The following MAGI3 variants were observed in gnomAD, a reference collection of about 807,000 sequenced individuals.
MAGI3 encodes the protein membrane-associated guanylate kinase, WW and PDZ domain-containing protein 3.
Under a neutral mutation model 121.8 loss-of-function variants are expected in MAGI3, and 43 were observed. The observed-to-expected ratio is 0.35, with a 90% CI of 0.28 to 0.46. MAGI3 has a LOEUF of 0.46. MAGI3 is among the 20% of genes least tolerant of loss of function. MAGI3 has a pLI of 1.00. For synonymous variants in MAGI3, 553 were observed against 639.3 expected, an observed-to-expected ratio of 0.86 and a Z score of 2.04; for missense variants, 1,547 against 1,797.3, an observed-to-expected ratio of 0.86 and a Z score of 2.52.
rs550527985 is a variant in MAGI3, at chr1:113,599,314, G to A, written c.1018+4754G>A. Among the ~76,000 whole-genome samples, 253 of 151,870 alleles carry A rather than the reference G, an allele frequency of 1.7e-3. 3 individuals carry two copies. Among genetic ancestry groups the A allele is most frequent in the Admixed American group, 3.3e-3 (50 of 15,252 alleles). On this transcript the variant is annotated intron_variant, in intron 6 of 20. Transcript: ENST00000307546. Reference sequence around the variant, plus strand: ...TTTGAAAGGATCAACAAAATTGATCGACCACTAGCAAGACTAATAAAGAAG... The same window carrying A: ...TTTGAAAGGATCAACAAAATTGATCAACCACTAGCAAGACTAATAAAGAAG...
chr1:113,396,287 T>TTGTGTGTGTGTGTG (rs3058309), intron 1 of MAGI3, among the ~76,000 whole-genome samples: 1 of 146,876 alleles, frequency 6.8e-6, no homozygotes, highest in Non-Finnish European at 1.5e-5. Flanking sequence ...AATGTCAGGG[T>TTGTGTGTGTGTGTG]TGTGTGTGTG....
At chr1:113,404,479 C>A (rs1651570924) in intron 1 of MAGI3, 1 of 151,950 alleles carries the variant, frequency 6.6e-6, no homozygotes, top group South Asian at 2.1e-4. Context: ...AATTATTTGC[C>A]CACATTTTAC....
chr1:113,641,290 G>A (rs1652521195), intron 9 of MAGI3, among the ~76,000 whole-genome samples: 1 of 149,896 alleles, frequency 6.7e-6, no homozygotes, highest in Non-Finnish European at 1.5e-5. Flanking sequence ...GGTGGGGAAT[G>A]AGGACTTAGA....
chr1:113,582,821 A>C (rs1648121125), intron 3 of MAGI3, among the ~76,000 whole-genome samples: 1 of 149,584 alleles, frequency 6.7e-6, no homozygotes, highest in African/African-American at 2.4e-5. Context: ...GCAATCTAGC[A>C]ATAATATCTA....
intron 1 of MAGI3, among the ~76,000 whole-genome samples, chr1:113,438,802 C>A (rs867120622): frequency 1.2e-4 from 19 of 152,210 alleles, no homozygotes; most frequent in African/African-American, 4.3e-4. Context: ...TTGGAGGGGA[C>A]AAACATCTAA....
At chr1:113,465,222 T>C (rs1020827300) in intron 1 of MAGI3, among the ~76,000 whole-genome samples, 5 of 152,166 alleles carry the variant, frequency 3.3e-5, no homozygotes, top group African/African-American at 1.2e-4. Flanking sequence ...CTGCATATGG[T>C]TAATCCAGTT....
At chr1:113,682,738 C>T (rs564921726) in intron 20 of MAGI3, 159 bp from the exon 21 acceptor site, 1 of 983,572 alleles carries the variant, frequency 1.0e-6, no homozygotes, top group South Asian at 4.7e-5. Context: ...ACACATCCGC[C>T]TTTATAGAGA....
chr1:113,398,772 C>T (rs1302756559), intron 1 of MAGI3, among the ~76,000 whole-genome samples: 1 of 151,848 alleles, frequency 6.6e-6, no homozygotes, highest in Non-Finnish European at 1.5e-5. Context: ...ATTGGCTTTG[C>T]TTTTTCCTCC....
At chr1:113,533,656 A>G (rs1316334991) in intron 1 of MAGI3, among the ~76,000 whole-genome samples, 1 of 152,154 alleles carries the variant, frequency 6.6e-6, no homozygotes. Context: ...TAAAACCACC[A>G]TTACCACCAC....
chr1:113,669,372 A>C (rs1015551754), intron 16 of MAGI3, among the ~76,000 whole-genome samples: 2 of 152,164 alleles, frequency 1.3e-5, no homozygotes, highest in African/African-American at 4.8e-5. Context: ...CTCTGACACA[A>C]TGTGGGAAAT....
chr1:113,407,896 A>G (rs1651774649), intron 1 of MAGI3, among the ~76,000 whole-genome samples: 1 of 152,196 alleles, frequency 6.6e-6, no homozygotes, highest in Non-Finnish European at 1.5e-5. Context: ...GTAGTACTAC[A>G]GTTGCATTTG....
In MAGI3 at chr1:113,590,526, C is replaced by T; in HGVS notation, c.806C>T (p.Thr269Ile). 1 of 1,613,746 alleles carries T rather than the reference C, an allele frequency of 6.2e-7. No individual in the cohort carries two copies. Among genetic ancestry groups the T allele is most frequent in the South Asian group, 1.1e-5 (1 of 91,072 alleles). ...TCTGAGTCATCTGACTGGATGAAGA[C>T]TGTTCCAAGTTACAACCAAACAAAT... ...RHSESSDWMK[T>I]VPSYNQTNSS... Residue 269 changes from threonine to isoleucine, a missense_variant, in exon 5 of 21, where the codon ACT becomes ATT. Coordinates refer to ENST00000307546, the MANE Select transcript of MAGI3 (RefSeq NM_001142782.2).
intron 1 of MAGI3, among the ~76,000 whole-genome samples, chr1:113,484,713 C>G (rs35467095): frequency 1.1e-4 from 2 of 17,690 alleles, no homozygotes; most frequent in Non-Finnish European, 1.7e-4. Flanking sequence ...CTCCCCTCCC[C>G]TCCCTTCCCT....
intron 1 of MAGI3, among the ~76,000 whole-genome samples, chr1:113,463,143 C>T (rs1260471507): frequency 6.6e-6 from 1 of 151,810 alleles, no homozygotes; most frequent in African/African-American, 2.4e-5. Context: ...CAGATAATAC[C>T]AAGGGATAAG....
intron 16 of MAGI3, among the ~76,000 whole-genome samples, chr1:113,668,451 GA>G (rs894716650): frequency 1.4e-5 from 2 of 141,946 alleles, no homozygotes; most frequent in Admixed American, 7.0e-5. Context: ...GCTTATAACA[GA>G]AAAAAAATGG....
chr1:113,539,290 G>A (rs1659158537), intron 1 of MAGI3, among the ~76,000 whole-genome samples: 2 of 151,814 alleles, frequency 1.3e-5, no homozygotes, highest in African/African-American at 4.8e-5. Flanking sequence ...CTGCTCGGGA[G>A]GCTGAGGCAG....
intron 9 of MAGI3, among the ~76,000 whole-genome samples, chr1:113,633,512 C>T (rs1354407195): frequency 6.6e-6 from 1 of 151,912 alleles, no homozygotes; most frequent in East Asian, 1.9e-4. Flanking sequence ...CCGCCCGCCT[C>T]GGCCTCCCAA....
chr1:113,524,025 G>A (rs758169510), intron 1 of MAGI3, among the ~76,000 whole-genome samples: 13 of 152,166 alleles, frequency 8.5e-5, no homozygotes, highest in Non-Finnish European at 1.8e-4. Flanking sequence ...AGGGGCCAAG[G>A]TACAGCTCGG....
intron 1 of MAGI3, among the ~76,000 whole-genome samples, chr1:113,476,665 G>A (rs1013309131): frequency 3.3e-5 from 5 of 152,232 alleles, no homozygotes; most frequent in Admixed American, 6.5e-5. Context: ...TTTAGAATAA[G>A]TGTGATGTGG....
Sources: gnomAD v4.1 joint callset for allele counts (sites outside exome capture counted in the v4.1 genomes callset) on GRCh38, gnomAD v4.1.1 for gene constraint, MANE v1.5 for transcripts, NCBI Gene and HGNC (gene_info 2026-07-23, HGNC 2026-07-21) for gene names.